Variants in THRAP3 observed in about 807,000 individuals in gnomAD.
The protein encoded by THRAP3 is thyroid hormone receptor associated protein 3.
Under a neutral mutation model 101.0 loss-of-function variants are expected in THRAP3, and 16 were observed. The observed-to-expected ratio is 0.16, with a 90% confidence interval of 0.11 to 0.24. The LOEUF is 0.24. Ranked by LOEUF, THRAP3 falls within the 10% of genes least tolerant of loss-of-function variation. THRAP3 has a pLI of 1.00. For synonymous variants in THRAP3, 407 were observed against 422.6 expected, an observed-to-expected ratio of 0.96 and a Z score of 0.45; for missense variants, 989 against 1,202.7, an observed-to-expected ratio of 0.82 and a Z score of 2.63.
the THRAP3 span, among the ~76,000 whole-genome samples, chr1:36,210,060 TGA>T: frequency 6.6e-6 from 1 of 152,220 alleles, no homozygotes; most frequent in Non-Finnish European, 1.5e-5. Flanking sequence ...CCCAGTGAAT[TGA>T]GAGTGTTTAA....
chr1:36,299,447 A>G (rs1646002709), intron 9 of THRAP3, among the ~76,000 whole-genome samples: 1 of 151,832 alleles, frequency 6.6e-6, no homozygotes, highest in Non-Finnish European at 1.5e-5. Flanking sequence ...CAACAACAAC[A>G]AAAAAAGACA....
intron 1 of THRAP3, chr1:36,225,411 G>A (rs1196293758): frequency 6.6e-6 from 1 of 152,074 alleles, no homozygotes; most frequent in African/African-American, 2.4e-5. Context: ...TTTGATCTTA[G>A]GTCAAGAGTC....
Position 36,289,529 on chromosome 1 carries a change from C to T in THRAP3, c.1510C>T (p.Arg504Trp), listed in dbSNP as rs780659896. ...CCCAGAGAGATCCAAAAAGGAAGAT[C>T]GGGGCAAGAGAAGCGAAGGTGGGCA... is the stretch of plus-strand genomic sequence containing the variant. ...SFPERSKKEDRGKRSEGGHRG... is the reference protein window; with the variant it reads ...SFPERSKKEDWGKRSEGGHRG... The change falls in exon 5 of 12, where the codon CGG becomes TGG. Residue 504 changes from arginine (R) to tryptophan (W), a missense_variant. Transcript: ENST00000354618. 4.3e-6 allele frequency: 7 copies of T among 1,613,846 alleles called. No homozygotes were observed. Among genetic ancestry groups the T allele is most frequent in the African/African-American group, 4.0e-5 (3 of 74,874 alleles).
chr1:36,298,284 A>C (rs897888617), intron 9 of THRAP3, among the ~76,000 whole-genome samples: 3 of 152,154 alleles, frequency 2.0e-5, no homozygotes, highest in African/African-American at 7.2e-5. Context: ...ATAGATAAAG[A>C]ACCTGCGAAT....
At position 36,304,168 on chromosome 1, in the gene THRAP3, C is replaced by A; in HGVS notation, c.*151C>A. 8.1e-7 allele frequency: 1 copy of A among 1,227,868 alleles called. No individual in the cohort carries two copies. Among genetic ancestry groups the A allele is most frequent in the Non-Finnish European group, 1.1e-6 (1 of 916,976 alleles). The allele number at this position is 1,227,868 out of a possible 1,614,324, so 76.1% of individuals were successfully genotyped here. A position where few individuals can be genotyped will look rare whatever the true frequency, so the allele number is the denominator to read the frequency against. ...AGATTGTACTACCGCGAGAGGCATCCCTGGCGCTGTCTCCCACTGGACAGA... is the reference window on the plus strand; with the variant it reads ...AGATTGTACTACCGCGAGAGGCATCACTGGCGCTGTCTCCCACTGGACAGA... On this transcript the variant is annotated 3_prime_UTR_variant, in exon 12 of 12. Coordinates refer to ENST00000354618, the MANE Select transcript of THRAP3 (RefSeq NM_005119.4).
At chr1:36,280,637 C>T (rs1259881290) in intron 2 of THRAP3, among the ~76,000 whole-genome samples, 1 of 152,232 alleles carries the variant, frequency 6.6e-6, no homozygotes. Flanking sequence ...AGAATAGGCC[C>T]TGGAGTTTGG....
In THRAP3 at chr1:36,286,152, TGACC is replaced by T. The variant is rs762744312; in HGVS notation, c.138-215_138-212del. 2.6e-5 allele frequency among the ~76,000 whole-genome samples: 4 copies of T among 152,256 alleles called. No homozygotes were observed. The highest frequency in any genetic ancestry group is 2.6e-4 in the Admixed American group (4 of 15,278). On this transcript the variant is annotated intron_variant, in intron 3 of 11. Transcript: ENST00000354618. The surrounding 1 kb of genome is among the most constrained non-coding windows in gnomAD (Gnocchi z 5.5). ...TAAATGTGCTGCAATATGAATGAAG[TGACC>T]TGTGTTTCATCACTTGTTCAAATGA...
the THRAP3 span, among the ~76,000 whole-genome samples, chr1:36,212,986 A>G: frequency 1.1e-4 from 17 of 152,206 alleles, no homozygotes; most frequent in Non-Finnish European, 2.4e-4. Context: ...ATGAGGAAGC[A>G]GGAAGTCCAG....
intron 3 of THRAP3, among the ~76,000 whole-genome samples, chr1:36,285,393 A>G (rs1645782595): frequency 1.3e-5 from 2 of 152,164 alleles, no homozygotes; most frequent in Admixed American, 6.5e-5. Flanking sequence ...ACACCAACAT[A>G]CGTAATTTTT....
At chr1:36,229,310 A>G (rs1644997649) in intron 1 of THRAP3, among the ~76,000 whole-genome samples, 1 of 150,588 alleles carries the variant, frequency 6.6e-6, no homozygotes, top group African/African-American at 2.4e-5. Flanking sequence ...GTTAGCCAAG[A>G]TGGTCTCCAT....
chr1:36,261,384 C>T (rs1453368042), intron 2 of THRAP3, among the ~76,000 whole-genome samples: 13 of 151,878 alleles, frequency 8.6e-5, no homozygotes, highest in South Asian at 6.2e-4. Context: ...TACAAAAAAA[C>T]TAGCCAGGCA....
At position 36,304,045 on chromosome 1, in the gene THRAP3, AG is replaced by A; in HGVS notation, c.*32del. 1.4e-6 allele frequency: 2 copies of A among 1,475,234 alleles called. No homozygotes were observed. Among genetic ancestry groups the A allele is most frequent in the Non-Finnish European group, 1.8e-6 (2 of 1,112,160 alleles). The allele number at this position is 1,475,234 out of a possible 1,614,324, so 91.4% of individuals were successfully genotyped here. A position where few individuals can be genotyped will look rare whatever the true frequency, so the allele number is the denominator to read the frequency against. ...GCCACCCTTGACGGGATTCCTGCCC[AG>A]GGGAGAGAGGCGCTGGGAAGATGGC... On this transcript the variant is annotated 3_prime_UTR_variant, in exon 12 of 12. Coordinates refer to ENST00000354618, the MANE Select transcript of THRAP3 (RefSeq NM_005119.4).
At chr1:36,253,743 A>G (rs947905144) in intron 1 of THRAP3, among the ~76,000 whole-genome samples, 1 of 122,052 alleles carries the variant, frequency 8.2e-6, no homozygotes, top group African/African-American at 3.3e-5. Context: ...ACAGGCGTAC[A>G]CCATTGAGTC....
chr1:36,296,199 C>T (rs1645949171), intron 8 of THRAP3, among the ~76,000 whole-genome samples: 1 of 151,960 alleles, frequency 6.6e-6, no homozygotes, highest in Non-Finnish European at 1.5e-5. Flanking sequence ...GTCTTGAACT[C>T]CTGAGCTCAA....
At position 36,304,302 on chromosome 1, in the gene THRAP3, G is replaced by T; in HGVS notation, c.*285G>T. 2.4e-5 allele frequency: 7 copies of T among 297,102 alleles called. No individual in the cohort carries two copies. The highest frequency in any genetic ancestry group is 3.1e-5 in the Non-Finnish European group (5 of 160,016). The allele number at this position is 297,102 out of a possible 1,614,324, so 18.4% of individuals were successfully genotyped here. On this transcript the variant is annotated 3_prime_UTR_variant, in exon 12 of 12. Transcript: ENST00000354618. ...GTTGGTGTGTGGGGTGGGGGCAGGG[G>T]TAGGGCGGGAGAGCGATGCTTGGAT...
chr1:36,277,626 G>A (rs1270055775), intron 2 of THRAP3, among the ~76,000 whole-genome samples: 1 of 152,094 alleles, frequency 6.6e-6, no homozygotes, highest in African/African-American at 2.4e-5. Flanking sequence ...CCTGCCTCAA[G>A]TCTCCCAAGT....
At chr1:36,262,808 T>A (rs971427098) in intron 2 of THRAP3, among the ~76,000 whole-genome samples, 3 of 151,120 alleles carry the variant, frequency 2.0e-5, no homozygotes, top group African/African-American at 7.3e-5. Context: ...TTATTATTTT[T>A]TTTGAGATGA....
At chr1:36,294,435 AT>A (rs1645919678) in intron 8 of THRAP3, among the ~76,000 whole-genome samples, 1 of 152,192 alleles carries the variant, frequency 6.6e-6, no homozygotes, top group South Asian at 2.1e-4. Context: ...AAAGCTAAAG[AT>A]TACTTTGATG....
At chr1:36,280,309 G>A (rs959864736) in intron 2 of THRAP3, among the ~76,000 whole-genome samples, 1 of 152,172 alleles carries the variant, frequency 6.6e-6, no homozygotes, top group Admixed American at 6.5e-5. Flanking sequence ...TGGGTATACA[G>A]CACTAAATAA....
Sources: allele counts gnomAD v4.1 joint callset (sites outside exome capture counted in the v4.1 genomes callset), GRCh38; gene constraint gnomAD v4.1.1; non-coding constraint Gnocchi (gnomAD v3.1); transcripts MANE v1.5; gene names NCBI Gene and HGNC (gene_info 2026-07-23, HGNC 2026-07-21).